Variants in MGAT4A observed in about 807,000 individuals in gnomAD.
MGAT4A encodes the protein alpha-1,3-mannosyl-glycoprotein 4-beta-N-acetylglucosaminyltransferase A.
In MGAT4A, 33 loss-of-function variants were observed where a neutral mutation model predicts 74.1. That is an observed-to-expected ratio of 0.45 (90% CI 0.34 to 0.60). The LOEUF (loss-of-function observed/expected upper bound fraction) is 0.60, where lower values mean the gene tolerates loss of function less well. MGAT4A is among the 20% of genes least tolerant of loss of function. MGAT4A has a pLI of 0.02. For synonymous variants in MGAT4A, 198 were observed against 210.4 expected (o/e 0.94, Z 0.51); for missense variants, 479 against 628.3 (o/e 0.76, Z 2.54).
intron 13 of MGAT4A, 138 bp downstream of exon 13, chr2:98,636,379 C>A (rs1701320817): frequency 3.1e-6 from 2 of 636,992 alleles, no homozygotes. Context: ...CTTCATATTT[C>A]AAAAAAAATT....
chr2:98,708,914 G>A (rs745503189), intron 2 of MGAT4A, among the ~76,000 whole-genome samples: 6 of 152,188 alleles, frequency 3.9e-5, no homozygotes, highest in Non-Finnish European at 7.3e-5. Flanking sequence ...GACAGACAAC[G>A]TGAGCATCCC....
intron 2 of MGAT4A, among the ~76,000 whole-genome samples, chr2:98,700,259 TA>T (rs1321540004): frequency 6.6e-6 from 1 of 151,220 alleles, no homozygotes; most frequent in East Asian, 1.9e-4. Context: ...TGAGTAAAAT[TA>T]ACTTTAATTC....
chr2:98,657,922 C>T (rs908202296), intron 6 of MGAT4A, among the ~76,000 whole-genome samples: 2 of 152,164 alleles, frequency 1.3e-5, no homozygotes, highest in African/African-American at 4.8e-5. Flanking sequence ...GATTTAATCT[C>T]ATATGACTCT....
At chr2:98,632,449 A>G (rs749432298) in intron 14 of MGAT4A, among the ~76,000 whole-genome samples, 5 of 152,244 alleles carry the variant, frequency 3.3e-5, no homozygotes, top group Non-Finnish European at 7.3e-5. Flanking sequence ...CTCTTTCCCT[A>G]GTTCTCCCTG....
intron 2 of MGAT4A, among the ~76,000 whole-genome samples, chr2:98,711,885 A>G (rs894606405): frequency 6.6e-6 from 1 of 152,152 alleles, no homozygotes; most frequent in African/African-American, 2.4e-5. Flanking sequence ...CAACTTCCCA[A>G]AGTGTTGGGA....
intron 4 of MGAT4A, among the ~76,000 whole-genome samples, chr2:98,667,180 T>A (rs1291730485): frequency 1.3e-5 from 2 of 152,240 alleles, no homozygotes; most frequent in African/African-American, 4.8e-5. Context: ...CCTAGCCACA[T>A]GGAACTGTAA....
intron 14 of MGAT4A, among the ~76,000 whole-genome samples, chr2:98,631,748 C>A (rs1701237343): frequency 6.6e-6 from 1 of 152,192 alleles, no homozygotes; most frequent in South Asian, 2.1e-4. Context: ...TTCTCCAAGC[C>A]CACGTGTGAT....
At chr2:98,668,713 C>T (rs953951280) in intron 4 of MGAT4A, among the ~76,000 whole-genome samples, 1 of 152,232 alleles carries the variant, frequency 6.6e-6, no homozygotes, top group Non-Finnish European at 1.5e-5. Context: ...ACACTCAACA[C>T]CAGCCCATGA....
chr2:98,626,081 AT>A (rs1701139797), intron 14 of MGAT4A, among the ~76,000 whole-genome samples: 1 of 152,218 alleles, frequency 6.6e-6, no homozygotes, highest in Admixed American at 6.5e-5. Flanking sequence ...CTCACTACAA[AT>A]TAAAAAACAA....
rs761130464 is a variant in MGAT4A at position 98,675,080 on chromosome 2, C to T, written c.358G>A (p.Gly120Arg). 12 of 1,611,298 alleles carry T rather than the reference C, an allele frequency of 7.4e-6. No individual in the cohort carries two copies. The highest frequency in any genetic ancestry group is 4.2e-6 in the Non-Finnish European group (5 of 1,179,358). ...YHLPHLLKNEGSLQPAVQIGN... is the reference protein window; with the variant it reads ...YHLPHLLKNERSLQPAVQIGN... Reference sequence around the variant, plus strand: ...ATCTGTACAGCAGGTTGAAGACTTCCTTCATTTTTCAATAAATGAGGCAAA... The same window carrying T: ...ATCTGTACAGCAGGTTGAAGACTTCTTTCATTTTTCAATAAATGAGGCAAA... The change falls in exon 4 of 16, where the codon GGA (glycine) becomes AGA (arginine). Residue 120 changes from glycine to arginine, a missense_variant. Gly to Arg is a moderately radical substitution (Grantham distance 125, BLOSUM62 -2). Coordinates refer to ENST00000393487, the MANE Select transcript of MGAT4A (RefSeq NM_012214.3).
At chr2:98,725,288 A>G (rs1702745442) in intron 2 of MGAT4A, among the ~76,000 whole-genome samples, 1 of 152,226 alleles carries the variant, frequency 6.6e-6, no homozygotes, top group Non-Finnish European at 1.5e-5. Flanking sequence ...AGCACAGAGC[A>G]TGTTTTCACT....
At position 98,624,485 on chromosome 2, in the gene MGAT4A, G is replaced by T. The variant is rs1701114578; in HGVS notation, c.*1081C>A. 2.1e-6 allele frequency: 2 copies of T among 971,362 alleles called. No individual in the cohort carries two copies. Among genetic ancestry groups the T allele is most frequent in the Admixed American group, 6.2e-5 (1 of 16,216 alleles). The allele number at this position is 971,362 out of a possible 1,614,324, so 60.2% of individuals were successfully genotyped here. On this transcript the variant is annotated 3_prime_UTR_variant, in exon 16 of 16. Transcript: ENST00000393487. ...TTCATACTACAATAAAATCATTTTGGAAAATATACTACTAATAATATATTT... is the reference window on the plus strand; with the variant it reads ...TTCATACTACAATAAAATCATTTTGTAAAATATACTACTAATAATATATTT...
At chr2:98,637,851 C>A (rs940633916) in intron 12 of MGAT4A, among the ~76,000 whole-genome samples, 1 of 152,320 alleles carries the variant, frequency 6.6e-6, no homozygotes, top group African/African-American at 2.4e-5. Context: ...GTCCCCCGCA[C>A]ATTCAAAATG....
intron 2 of MGAT4A, 27 bp from the exon 3 acceptor site, chr2:98,678,498 G>A (rs1026278927): frequency 6.9e-7 from 1 of 1,457,286 alleles, no homozygotes; most frequent in East Asian, 2.4e-5. Flanking sequence ...AACAGTTATA[G>A]TATATGTCTT....
At chr2:98,671,465 C>T (rs762201116) in intron 4 of MGAT4A, among the ~76,000 whole-genome samples, 3 of 152,224 alleles carry the variant, frequency 2.0e-5, no homozygotes, top group Non-Finnish European at 2.9e-5. Flanking sequence ...GGAGGCCCTA[C>T]ATGGTCTGGC....
At chr2:98,676,223 C>T (rs1701974707) in intron 3 of MGAT4A, among the ~76,000 whole-genome samples, 1 of 152,114 alleles carries the variant, frequency 6.6e-6, no homozygotes, top group South Asian at 2.1e-4. Flanking sequence ...ATGCAAATGA[C>T]TGTCATATGT....
intron 2 of MGAT4A, among the ~76,000 whole-genome samples, chr2:98,707,442 C>CA (rs1702455801): frequency 2.0e-5 from 3 of 152,160 alleles, no homozygotes; most frequent in Admixed American, 2.0e-4. Context: ...ACAAAACACC[C>CA]AATGAATATC....
At chr2:98,678,103 G>A (rs1447993817) in intron 3 of MGAT4A, among the ~76,000 whole-genome samples, 3 of 150,910 alleles carry the variant, frequency 2.0e-5, no homozygotes, top group Non-Finnish European at 4.4e-5. Context: ...GGTGGCGGGC[G>A]CCTGTAGTCC....
In MGAT4A at chr2:98,677,801, A is replaced by ATTTT. The variant is rs70940122; in HGVS notation, c.262+499_262+502dup. Among the ~76,000 whole-genome samples the ATTTT allele has an allele frequency of 9.3e-3, 1,133 of 121,296 alleles. 16 individuals carry two copies. The highest frequency in any genetic ancestry group is 0.013 in the Non-Finnish European group (788 of 58,948). The allele number at this position is 121,296 out of a possible 152,430, so 79.6% of individuals were successfully genotyped here. A position where few individuals can be genotyped will look rare whatever the true frequency, so the allele number is the denominator to read the frequency against. ...TAAAATCAGATTTAGCAGGTAATAA[A>ATTTT]TTTTTTTTTTTTTTTTTTTTTTGTA... On this transcript the variant is annotated intron_variant, in intron 3 of 15. Transcript: ENST00000393487.
Sources: gnomAD v4.1 joint callset for allele counts (sites outside exome capture counted in the v4.1 genomes callset) on GRCh38, gnomAD v4.1.1 for gene constraint, MANE v1.5 for transcripts, NCBI Gene and HGNC (gene_info 2026-07-23, HGNC 2026-07-21) for gene names.